DCC: variants seen among roughly 807,000 people sequenced by gnomAD.
The protein encoded by DCC is netrin receptor DCC.
A neutral mutation model predicts 172.5 loss-of-function variants in DCC; 58 were observed. The observed-to-expected ratio is 0.34, with a 90% CI of 0.27 to 0.42. The LOEUF is 0.42. Among genes scored for constraint, DCC ranks in the 10% least tolerant of loss-of-function variants. The probability of loss-of-function intolerance (pLI) is 1.00; values close to 1 mark genes in which losing one functional copy is unlikely to be tolerated. For missense variants in DCC, 1,740 were observed against 1,791.0 expected (o/e 0.97, Z 0.51); for synonymous variants, 709 against 644.5 (o/e 1.10, Z -1.52).
intron 1 of DCC, among the ~76,000 whole-genome samples, chr18:52,420,688 A>G (rs1356704644): frequency 3.9e-5 from 6 of 152,074 alleles, no homozygotes; most frequent in Admixed American, 3.9e-4. Context: ...GATAAATTTG[A>G]GCTAAGAGGT....
intron 2 of DCC, among the ~76,000 whole-genome samples, chr18:52,840,617 C>T (rs1318229223): frequency 6.6e-6 from 1 of 152,154 alleles, no homozygotes; most frequent in Non-Finnish European, 1.5e-5. Context: ...TGACTAAAGT[C>T]ATCATCAGAT....
chr18:53,504,778 A>T (rs569268355), intron 27 of DCC, among the ~76,000 whole-genome samples: 1 of 152,330 alleles, frequency 6.6e-6, no homozygotes, highest in Admixed American at 6.5e-5. Context: ...AATTTCTAGA[A>T]GAGTCATTAT....
intron 1 of DCC, among the ~76,000 whole-genome samples, chr18:52,427,866 T>TGG (rs1987492754): frequency 6.8e-6 from 1 of 146,454 alleles, no homozygotes; most frequent in Admixed American, 6.8e-5. Context: ...CTTCCTTCCT[T>TGG]CCTTCCTTCC....
chr18:53,029,012 C>G (rs1249332666), intron 5 of DCC, among the ~76,000 whole-genome samples: 5 of 152,010 alleles, frequency 3.3e-5, no homozygotes, highest in African/African-American at 1.2e-4. Context: ...ACAACTAATT[C>G]ACAAAGAGGT....
At chr18:52,847,532 C>T (rs751060785) in intron 2 of DCC, among the ~76,000 whole-genome samples, 1 of 152,114 alleles carries the variant, frequency 6.6e-6, no homozygotes, top group African/African-American at 2.4e-5. Context: ...ATCATAAAGC[C>T]ATCAAACTTT....
intron 8 of DCC, among the ~76,000 whole-genome samples, chr18:53,160,340 G>A (rs367584219): frequency 7.2e-5 from 11 of 152,126 alleles, no homozygotes; most frequent in African/African-American, 2.2e-4. Flanking sequence ...TGAACACAAC[G>A]AAACTTTGAT....
chr18:53,368,786 T>C (rs1207593432), intron 15 of DCC, among the ~76,000 whole-genome samples: 3 of 152,088 alleles, frequency 2.0e-5, no homozygotes, highest in Non-Finnish European at 4.4e-5. Context: ...CCTATTCTAT[T>C]CTGTTGATTT....
intron 5 of DCC, among the ~76,000 whole-genome samples, chr18:52,991,696 T>A (rs750123208): frequency 1.3e-5 from 2 of 152,192 alleles, no homozygotes; most frequent in Admixed American, 6.5e-5. Flanking sequence ...ACTGATCATA[T>A]CTAAAGTGCA....
At position 52,719,032 on chromosome 18, in the gene DCC, A is replaced by G. The variant is rs117162089; in HGVS notation, c.92-33022A>G. On this transcript the variant is annotated intron_variant, in intron 1 of 28. Transcript: ENST00000442544. ...GGAAGAATCCCTCCTTGTCTCTTAC[A>G]GCTCCTGATGGCCCCAGCCACCCTT... 2.8e-3 allele frequency among the ~76,000 whole-genome samples: 420 copies of G among 152,172 alleles called. 7 individuals carry two copies. In the East Asian group the frequency reaches 0.075, roughly 27 times the overall value.
intron 2 of DCC, among the ~76,000 whole-genome samples, chr18:52,817,704 C>G (rs1215626627): frequency 5.9e-5 from 9 of 151,906 alleles, no homozygotes. Flanking sequence ...TACATAGACA[C>G]CCACATATTT....
At chr18:52,814,868 G>A (rs1485357894) in intron 2 of DCC, among the ~76,000 whole-genome samples, 6 of 152,128 alleles carry the variant, frequency 3.9e-5, no homozygotes, top group African/African-American at 9.7e-5. Context: ...TAGTTAAGAC[G>A]TTGGTACAGT....
chr18:53,411,638 T>G (rs541975541), intron 20 of DCC, among the ~76,000 whole-genome samples: 1 of 152,266 alleles, frequency 6.6e-6, no homozygotes, highest in South Asian at 2.1e-4. Context: ...TAAGGGACTT[T>G]TGAATTCTGA....
chr18:52,808,916 T>C lies in DCC; in HGVS notation c.412+56542T>C, dbSNP rs1440535190. ...GGACTTAATGACCAATTAAAGCTCT[T>C]TCTTAAACTGTAAATTTTTGGCATG... On this transcript the variant is annotated intron_variant, in intron 2 of 28. Transcript: ENST00000442544. 2.0e-5 allele frequency among the ~76,000 whole-genome samples: 3 copies of C among 152,330 alleles called. No individual in the cohort carries two copies. In the East Asian group the frequency reaches 5.8e-4, roughly 29 times the overall value.
chr18:53,110,529 A>G (rs773119361), intron 7 of DCC, among the ~76,000 whole-genome samples: 4 of 151,822 alleles, frequency 2.6e-5, no homozygotes, highest in Non-Finnish European at 5.9e-5. Context: ...AAGTCTAAAG[A>G]GACCACCAAC....
At chr18:52,579,722 G>A (rs1190656620) in intron 1 of DCC, among the ~76,000 whole-genome samples, 6 of 152,154 alleles carry the variant, frequency 3.9e-5, no homozygotes, top group Non-Finnish European at 7.4e-5. Flanking sequence ...TTTAAGGAAC[G>A]TTAGGATGGA....
At chr18:52,466,296 A>T (rs1988783597) in intron 1 of DCC, among the ~76,000 whole-genome samples, 1 of 152,180 alleles carries the variant, frequency 6.6e-6, no homozygotes, top group Non-Finnish European at 1.5e-5. Context: ...TCTAACATAA[A>T]AATAGTGGCG....
rs150112036 is a variant in DCC at position 53,282,272 on chromosome 18, C to A, written c.1912-23306C>A. ...AGCTGAGTTGGGATTTAAACACAGG[C>A]CATGCTGACTGCAAGACTGTCCTGC... is the stretch of plus-strand genomic sequence containing the variant. On this transcript the variant is annotated intron_variant, in intron 12 of 28. Coordinates refer to ENST00000442544, the MANE Select transcript of DCC (RefSeq NM_005215.4). Among the ~76,000 whole-genome samples, 29 of 152,244 alleles carry A rather than the reference C, an allele frequency of 1.9e-4. 1 individual carries two copies. In the East Asian group the frequency reaches 5.6e-3, roughly 29 times the overall value.
At chr18:52,933,436 A>G (rs971351955) in intron 5 of DCC, among the ~76,000 whole-genome samples, 4 of 147,558 alleles carry the variant, frequency 2.7e-5, no homozygotes, top group Admixed American at 6.8e-5. Context: ...GAGTATGAGA[A>G]TGGGGGAGGG....
At chr18:52,720,043 G>A (rs2036449636) in intron 1 of DCC, among the ~76,000 whole-genome samples, 2 of 152,022 alleles carry the variant, frequency 1.3e-5, no homozygotes, top group South Asian at 4.2e-4. Context: ...GTGGAGAAAG[G>A]AGGGACCAAA....
Sources: allele counts gnomAD v4.1 joint callset (sites outside exome capture counted in the v4.1 genomes callset), GRCh38; gene constraint gnomAD v4.1.1; transcripts MANE v1.5; gene names NCBI Gene and HGNC (gene_info 2026-07-23, HGNC 2026-07-21).